The following EML5 variants were observed in gnomAD, a reference collection of about 807,000 sequenced individuals.
The protein encoded by EML5 is echinoderm microtubule-associated protein-like 5.
Under a neutral mutation model 250.0 loss-of-function variants are expected in EML5, and 120 were observed. The observed-to-expected ratio is 0.48, with a 90% CI of 0.41 to 0.56. The LOEUF is 0.56. EML5 is among the 20% of genes least tolerant of loss of function. The pLI is 0.00. For missense variants in EML5, 2,006 were observed against 2,437.6 expected (o/e 0.82, Z 3.73); for synonymous variants, 771 against 806.5 (o/e 0.96, Z 0.75).
At chr14:88,648,962 C>T (rs2091487597) in intron 28 of EML5, among the ~76,000 whole-genome samples, 1 of 152,072 alleles carries the variant, frequency 6.6e-6, no homozygotes, top group Admixed American at 6.6e-5. Flanking sequence ...TGAGTTTCTG[C>T]ACCATCTGGT....
At chr14:88,771,500 C>T (rs1273135855) in intron 1 of EML5, among the ~76,000 whole-genome samples, 1 of 152,152 alleles carries the variant, frequency 6.6e-6, no homozygotes, top group Admixed American at 6.5e-5. Context: ...ATTCCTATTA[C>T]CATTCAAATA....
At chr14:88,657,105 T>C (rs2091901198) in intron 27 of EML5, among the ~76,000 whole-genome samples, 1 of 152,130 alleles carries the variant, frequency 6.6e-6, no homozygotes, top group Non-Finnish European at 1.5e-5. Context: ...GCAATGCTCC[T>C]GCCTCAGCCT....
chr14:88,702,986 C>T (rs2093245334), intron 13 of EML5, among the ~76,000 whole-genome samples: 1 of 151,944 alleles, frequency 6.6e-6, no homozygotes, highest in Admixed American at 6.6e-5. Context: ...AACTCCGGAG[C>T]TCTACCCACC....
intron 33 of EML5, among the ~76,000 whole-genome samples, chr14:88,629,378 G>A (rs958926419): frequency 6.6e-6 from 1 of 152,136 alleles, no homozygotes; most frequent in Non-Finnish European, 1.5e-5. Context: ...GCAAGAAGGT[G>A]AAACCAGAAT....
At chr14:88,713,832 GTTTAT>G (rs1189144168) in intron 9 of EML5, among the ~76,000 whole-genome samples, 2 of 132,698 alleles carry the variant, frequency 1.5e-5, no homozygotes, top group African/African-American at 5.5e-5. Context: ...TATTTGCAAA[GTTTAT>G]TTGTTTTTTT....
intron 21 of EML5, among the ~76,000 whole-genome samples, chr14:88,673,728 C>A (rs954836750): frequency 1.3e-5 from 2 of 152,142 alleles, no homozygotes; most frequent in African/African-American, 4.8e-5. Flanking sequence ...TTCCTATATA[C>A]CAACAACAGA....
intron 35 of EML5, chr14:88,625,343 C>G: frequency 1.9e-6 from 1 of 514,312 alleles, no homozygotes; most frequent in Non-Finnish European, 3.4e-6. Flanking sequence ...TGCTTATTAG[C>G]TAGAATAACC....
chr14:88,653,620 T>A (rs1472940140), intron 27 of EML5, among the ~76,000 whole-genome samples: 1 of 152,154 alleles, frequency 6.6e-6, no homozygotes, highest in East Asian at 1.9e-4. Context: ...GTATGTTGAA[T>A]GAGCTTTGCA....
chr14:88,770,161 TTAAG>T (rs1484112412), intron 1 of EML5, among the ~76,000 whole-genome samples: 7 of 152,142 alleles, frequency 4.6e-5, no homozygotes, highest in Non-Finnish European at 8.8e-5. Flanking sequence ...TATTCTCTGT[TTAAG>T]TAATGCTGGG....
chr14:88,716,529 C>T (rs2093496708), intron 8 of EML5, among the ~76,000 whole-genome samples: 1 of 152,140 alleles, frequency 6.6e-6, no homozygotes, highest in African/African-American at 2.4e-5. Context: ...CACTATTTGG[C>T]AGCTTTTACT....
chr14:88,684,600 G>T (rs1339405337), intron 20 of EML5, among the ~76,000 whole-genome samples: 1 of 151,244 alleles, frequency 6.6e-6, no homozygotes, highest in African/African-American at 2.4e-5. Flanking sequence ...ATTGCCTTAG[G>T]CTCAACAAAT....
chr14:88,792,038 G>A lies in EML5; in HGVS notation c.197+269C>T, dbSNP rs2094614155. 6.6e-6 allele frequency among the ~76,000 whole-genome samples: 1 copy of A among 152,264 alleles called. No homozygotes were observed. Among genetic ancestry groups the A allele is most frequent in the South Asian group, 2.1e-4 (1 of 4,836 alleles). ...AGTTTTCGTAATTGTGATGGAGTGG[G>A]AAAGGGGACAAAGCCGTCAAACCGG... On this transcript the variant is annotated intron_variant, in intron 1 of 43. Coordinates refer to ENST00000554922, the MANE Select transcript of EML5 (RefSeq NM_183387.3). The surrounding 1 kb of genome is among the most constrained non-coding windows in gnomAD (Gnocchi z 6.9).
At chr14:88,649,175 C>G (rs1329563325) in intron 28 of EML5, among the ~76,000 whole-genome samples, 1 of 151,950 alleles carries the variant, frequency 6.6e-6, no homozygotes, top group South Asian at 2.1e-4. Flanking sequence ...GACCACAGGG[C>G]TGCCACCACA....
intron 1 of EML5, among the ~76,000 whole-genome samples, chr14:88,779,313 T>C (rs1239454767): frequency 1.3e-5 from 2 of 152,142 alleles, no homozygotes; most frequent in African/African-American, 4.8e-5. Context: ...AGTTTAAATA[T>C]AGCACAGAAA....
At chr14:88,674,257 G>A (rs777257532) in intron 21 of EML5, among the ~76,000 whole-genome samples, 6 of 152,078 alleles carry the variant, frequency 3.9e-5, no homozygotes, top group Non-Finnish European at 8.8e-5. Context: ...CTAAAAGGGT[G>A]AGACTTCATC....
intron 27 of EML5, among the ~76,000 whole-genome samples, chr14:88,657,058 A>G (rs2091900346): frequency 6.6e-6 from 1 of 152,110 alleles, no homozygotes; most frequent in South Asian, 2.1e-4. Context: ...AGTGGCACCA[A>G]TCATAACTCA....
chr14:88,723,955 C>T (rs1469790158), intron 8 of EML5, among the ~76,000 whole-genome samples: 1 of 151,920 alleles, frequency 6.6e-6, no homozygotes, highest in Non-Finnish European at 1.5e-5. Context: ...TAACATAACC[C>T]CCACTCCTGG....
intron 20 of EML5, among the ~76,000 whole-genome samples, chr14:88,682,935 C>T (rs1176669326): frequency 1.3e-5 from 2 of 152,328 alleles, no homozygotes; most frequent in East Asian, 3.9e-4. Flanking sequence ...AACTCCAGAG[C>T]CCTGGTTCAG....
chr14:88,616,833 T>A lies in EML5; in HGVS notation c.5689A>T (p.Lys1897Ter). ...VLGIWSRHAE[K>*]ADVNCACVSH... The stretch of plus-strand genomic sequence containing the variant: ...ACACAGGCACAGTTGACATCAGCTT[T>A]CTCAGCATGTCTGGACCAGATTCCC... Residue 1897 changes from lysine (K) to a stop codon, truncating the protein, a stop_gained, in exon 42 of 44, where the codon AAA (lysine) becomes TAA (stop). Transcript: ENST00000554922. LOFTEE classifies it high-confidence loss of function. 1 of 1,613,936 alleles carries A rather than the reference T, an allele frequency of 6.2e-7. No individual in the cohort carries two copies.
Sources: gnomAD v4.1 joint callset for allele counts (sites outside exome capture counted in the v4.1 genomes callset) on GRCh38, gnomAD v4.1.1 for gene constraint, Gnocchi (gnomAD v3.1) non-coding constraint, MANE v1.5 for transcripts, NCBI Gene and HGNC (gene_info 2026-07-23, HGNC 2026-07-21) for gene names.